The following MVB12B variants were observed in gnomAD, a reference collection of about 807,000 sequenced individuals.
MVB12B encodes the protein ESCRT-I complex subunit MVB12B.
In MVB12B, 16 loss-of-function variants were observed where a neutral mutation model predicts 41.6. That is an observed-to-expected ratio of 0.38 (90% CI 0.26 to 0.58). The LOEUF is 0.58. Among genes scored for constraint, MVB12B ranks in the 20% least tolerant of loss-of-function variants. MVB12B has a pLI of 0.62. For missense variants in MVB12B, 274 were observed against 380.2 expected, an observed-to-expected ratio of 0.72 and a Z score of 2.32; for synonymous variants, 133 against 139.7, an observed-to-expected ratio of 0.95 and a Z score of 0.34.
chr9:126,481,249 T>C lies in MVB12B; in HGVS notation c.758-120T>C, dbSNP rs1833517309. 3 of 849,084 alleles carry C rather than the reference T, an allele frequency of 3.5e-6. No individual in the cohort carries two copies. In the Admixed American group the frequency reaches 5.5e-5, roughly 16 times the overall value. 52.6% of individuals were successfully genotyped at this position (849,084 alleles called of 1,614,324 possible). A position where few individuals can be genotyped will look rare whatever the true frequency, so the allele number is the denominator to read the frequency against. On this transcript the variant is annotated intron_variant, in intron 7 of 9. Coordinates refer to ENST00000361171, the MANE Select transcript of MVB12B (RefSeq NM_033446.3). ...ATAGCTCCAGCACATCTGTGCTGGATGTCACCTGGCTCCATCCAGTGACGG... is the reference window on the plus strand; with the variant it reads ...ATAGCTCCAGCACATCTGTGCTGGACGTCACCTGGCTCCATCCAGTGACGG...
At chr9:126,398,065 C>T (rs563934383) in intron 6 of MVB12B, among the ~76,000 whole-genome samples, 4 of 152,240 alleles carry the variant, frequency 2.6e-5, no homozygotes, top group Non-Finnish European at 5.9e-5. Flanking sequence ...GCAGCCTCCT[C>T]CTCCCCTGGC....
At chr9:126,463,234 T>C (rs1203884763) in intron 7 of MVB12B, among the ~76,000 whole-genome samples, 1 of 152,024 alleles carries the variant, frequency 6.6e-6, no homozygotes, top group African/African-American at 2.4e-5. Flanking sequence ...CTGCCTCCCG[T>C]CTCCAAGAGG....
intron 7 of MVB12B, among the ~76,000 whole-genome samples, chr9:126,470,447 A>C (rs980247152): frequency 1.3e-5 from 2 of 152,120 alleles, no homozygotes; most frequent in Admixed American, 6.5e-5. Context: ...CTTTCAGAGA[A>C]CTGCCCTGGA....
chr9:126,496,720 G>A (rs1400448259), intron 9 of MVB12B, among the ~76,000 whole-genome samples: 1 of 152,098 alleles, frequency 6.6e-6, no homozygotes, highest in Non-Finnish European at 1.5e-5. Context: ...AGAGAACCAT[G>A]CAGGGGAAAG....
chr9:126,355,318 G>T (rs190829470), intron 2 of MVB12B, among the ~76,000 whole-genome samples: 1 of 152,230 alleles, frequency 6.6e-6, no homozygotes, highest in East Asian at 1.9e-4. Flanking sequence ...CTGCGGAAAT[G>T]CTGGGTGGGC....
At chr9:126,349,995 A>G (rs1462019289) in intron 2 of MVB12B, among the ~76,000 whole-genome samples, 1 of 152,192 alleles carries the variant, frequency 6.6e-6, no homozygotes. Flanking sequence ...CTTTTCCAGC[A>G]TTTGTTATCG....
chr9:126,418,532 C>A (rs1831894885), intron 6 of MVB12B, among the ~76,000 whole-genome samples: 1 of 152,114 alleles, frequency 6.6e-6, no homozygotes, highest in Non-Finnish European at 1.5e-5. Flanking sequence ...CACATTGGCG[C>A]CTTAGTTTTA....
At position 126,392,295 on chromosome 9, in the gene MVB12B, G is replaced by C. The variant is rs981754893; in HGVS notation, c.539+100G>C. The C allele has an allele frequency of 4.2e-6, 6 of 1,411,842 alleles. No individual in the cohort carries two copies. The highest frequency in any genetic ancestry group is 5.9e-6 in the Non-Finnish European group (6 of 1,019,056). 87.5% of individuals were successfully genotyped at this position (1,411,842 alleles called of 1,614,324 possible). On this transcript the variant is annotated intron_variant, in intron 5 of 9. Coordinates refer to ENST00000361171, the MANE Select transcript of MVB12B (RefSeq NM_033446.3). This position sits in a 1 kb window ranked among gnomAD's most constrained non-coding sequence, Gnocchi z 4.8. ...CAAGAGATTTCCATGCAGCCCCCCA[G>C]GCTCTCAGCCATGGGCCTCTGTCAG... is the stretch of plus-strand genomic sequence containing the variant.
intron 7 of MVB12B, among the ~76,000 whole-genome samples, chr9:126,440,398 G>A (rs1832602085): frequency 6.6e-6 from 1 of 152,230 alleles, no homozygotes; most frequent in Non-Finnish European, 1.5e-5. Context: ...CATCTGCCAG[G>A]TAAGGTGTGC....
intron 6 of MVB12B, among the ~76,000 whole-genome samples, chr9:126,407,045 G>A (rs1348921331): frequency 6.6e-6 from 1 of 152,290 alleles, no homozygotes; most frequent in South Asian, 2.1e-4. Context: ...TTCAACACAA[G>A]TGTATATTTT....
In MVB12B at chr9:126,413,896, A is replaced by T. The variant is rs561572171; in HGVS notation, c.663-7958A>T. Among the ~76,000 whole-genome samples the T allele has an allele frequency of 1.5e-3, 221 of 149,224 alleles. 1 individual carries two copies. Among genetic ancestry groups the T allele is most frequent in the African/African-American group, 5.3e-3 (215 of 40,432 alleles). ...AAAGTGGCAGGTGCCTCTGACTATG[A>T]GTGCGCCTCTGCCTTGCTAGTCACC... On this transcript the variant is annotated intron_variant, in intron 6 of 9. Transcript: ENST00000361171.
At chr9:126,403,589 T>G (rs538517298) in intron 6 of MVB12B, among the ~76,000 whole-genome samples, 187 of 152,324 alleles carry the variant, frequency 1.2e-3, no homozygotes, top group African/African-American at 4.4e-3. Flanking sequence ...TTTTCTCCTT[T>G]AAAGCCTCAA....
chr9:126,454,926 C>T (rs904440058), intron 7 of MVB12B, among the ~76,000 whole-genome samples: 23 of 152,082 alleles, frequency 1.5e-4, no homozygotes, highest in African/African-American at 5.1e-4. Context: ...ACTGGGCAGC[C>T]CTTTCTTCCC....
chr9:126,358,839 T>C (rs1487360969), intron 2 of MVB12B, among the ~76,000 whole-genome samples: 1 of 152,220 alleles, frequency 6.6e-6, no homozygotes, highest in African/African-American at 2.4e-5. Flanking sequence ...TGAGTAGAAG[T>C]AGTGAAATCA....
intron 7 of MVB12B, among the ~76,000 whole-genome samples, chr9:126,439,602 A>G (rs1342160836): frequency 1.3e-5 from 2 of 152,254 alleles, no homozygotes; most frequent in Non-Finnish European, 2.9e-5. Flanking sequence ...GAGCACGCTC[A>G]CACGTACAGT....
intron 2 of MVB12B, among the ~76,000 whole-genome samples, chr9:126,373,270 G>A (rs1480191659): frequency 6.6e-6 from 1 of 152,238 alleles, no homozygotes; most frequent in African/African-American, 2.4e-5. Context: ...TATATTTGTA[G>A]AAAGCATCTT....
chr9:126,338,575 TAA>T (rs34003566), intron 1 of MVB12B, among the ~76,000 whole-genome samples: 1 of 146,442 alleles, frequency 6.8e-6, no homozygotes, highest in Admixed American at 6.8e-5. Context: ...CATACTATCT[TAA>T]AAAAAAAAAA....
At chr9:126,337,695 C>T (rs895567544) in intron 1 of MVB12B, among the ~76,000 whole-genome samples, 1 of 152,176 alleles carries the variant, frequency 6.6e-6, no homozygotes, top group Non-Finnish European at 1.5e-5. Context: ...AGCTGCAAAG[C>T]GCTGTCCAAA....
rs574853624 is a variant in MVB12B, at chr9:126,392,946, C to T, written c.539+751C>T. On this transcript the variant is annotated intron_variant, in intron 5 of 9. Transcript: ENST00000361171. This position sits in a 1 kb window ranked among gnomAD's most constrained non-coding sequence, Gnocchi z 4.8. Reference sequence around the variant, plus strand: ...CATGGCCTGGAGTTTATTCCAAGCACGCTAGAAAGTCAGTGGAGGGCTCCA... The same window carrying T: ...CATGGCCTGGAGTTTATTCCAAGCATGCTAGAAAGTCAGTGGAGGGCTCCA... Among the ~76,000 whole-genome samples, 12 of 152,258 alleles carry T rather than the reference C, an allele frequency of 7.9e-5. No homozygotes were observed. The highest frequency in any genetic ancestry group is 5.8e-4 in the East Asian group (3 of 5,184).
Sources: gnomAD v4.1 joint callset for allele counts (sites outside exome capture counted in the v4.1 genomes callset) on GRCh38, gnomAD v4.1.1 for gene constraint, Gnocchi (gnomAD v3.1) non-coding constraint, MANE v1.5 for transcripts, NCBI Gene and HGNC (gene_info 2026-07-23, HGNC 2026-07-21) for gene names.